DDX3Y: variants seen among roughly 807,000 people sequenced by gnomAD.
The protein encoded by DDX3Y is DEAD-box helicase 3 Y-linked.
In DDX3Y, 2 loss-of-function variants were observed where a neutral mutation model predicts 15.1. That is an observed-to-expected ratio of 0.13 (90% CI 0.05 to 0.42). The LOEUF (loss-of-function observed/expected upper bound fraction) is 0.42, where lower values mean the gene tolerates loss of function less well. DDX3Y is among the 10% of genes least tolerant of loss of function. The probability of loss-of-function intolerance (pLI) is 0.99; values close to 1 mark genes in which losing one functional copy is unlikely to be tolerated. For synonymous variants in DDX3Y, 47 were observed against 45.0 expected (o/e 1.04, Z -0.18); for missense variants, 81 against 149.9 (o/e 0.54, Z 2.40).
At chrY:12,915,572 A>T in intron 10 of DDX3Y, 58 bp from the exon 11 acceptor site, 1 of 329,662 alleles carries the variant, frequency 3.0e-6, no homozygotes, top group South Asian at 3.2e-5. Context: ...ACAACTATAT[A>T]TAGTAATTAG....
At chrY:12,914,454 C>T in intron 7 of DDX3Y, 110 bp from the exon 8 acceptor site, 1 of 173,630 alleles carries the variant, frequency 5.8e-6, no homozygotes. Flanking sequence ...CTGTAACTTC[C>T]TAGAAAATTG....
chrY:12,912,052 C>T, intron 4 of DDX3Y, 84 bp downstream of exon 4: 1 of 210,078 alleles, frequency 4.8e-6, no homozygotes, highest in Non-Finnish European at 8.6e-6. Flanking sequence ...TTTCAGTGGT[C>T]AAGCATATCT....
Position 12,911,826 on chromosome Y carries a change from T to C in DDX3Y, c.152-13T>C. On this transcript the variant is annotated splice_polypyrimidine_tract_variant and intron_variant, in intron 3 of 16. Transcript: ENST00000336079. ...AGTCTTGTCACCTTCTGATTTTTGC[T>C]TTTTTATTGAAGGATTCCATGATAA... The C allele has an allele frequency of 2.6e-6, 1 of 388,698 alleles. No individual in the cohort carries two copies. The highest frequency in any genetic ancestry group is 3.6e-6 in the Non-Finnish European group (1 of 278,872).
At chrY:12,911,503 A>G in intron 3 of DDX3Y, among the ~76,000 whole-genome samples, 1 of 33,630 alleles carries the variant, frequency 3.0e-5, no homozygotes, top group Admixed American at 2.7e-4. Context: ...ACTCATCTTA[A>G]ATAATTTAAT....
Position 12,920,358 on chromosome Y carries a change from T to C in DDX3Y, c.*2236T>C, listed in dbSNP as rs563865723. The C allele has an allele frequency of 8.7e-5, 3 of 34,293 alleles. No individual in the cohort carries two copies. Among genetic ancestry groups the C allele is most frequent in the Admixed American group, 7.9e-4 (3 of 3,791 alleles). 8.6% of individuals were successfully genotyped at this position (34,293 alleles called of 400,897 possible). A position where few individuals can be genotyped will look rare whatever the true frequency, so the allele number is the denominator to read the frequency against. On this transcript the variant is annotated 3_prime_UTR_variant, in exon 17 of 17. Coordinates refer to ENST00000336079, the MANE Select transcript of DDX3Y (RefSeq NM_004660.5). The stretch of plus-strand genomic sequence containing the variant: ...AAATAAAGAATGGAATTGCTGAATG[T>C]AATCATTGAACCTCGAGTCACTGTA...
rs2053657989 is a variant in DDX3Y, at chrY:12,918,604, G to A, written c.*482G>A. 3.0e-5 allele frequency: 1 copy of A among 33,768 alleles called. No homozygotes were observed. Among genetic ancestry groups the A allele is most frequent in the East Asian group, 7.7e-4 (1 of 1,305 alleles). 8.4% of individuals were successfully genotyped at this position (33,768 alleles called of 400,897 possible). On this transcript the variant is annotated 3_prime_UTR_variant, in exon 17 of 17. Coordinates refer to ENST00000336079, the MANE Select transcript of DDX3Y (RefSeq NM_004660.5). ...TCAATTCATCCATAAATATAAAAAG[G>A]GAAAAAAACTTAAGGCAGTAGTCTG...
At position 12,919,484 on chromosome Y, in the gene DDX3Y, A is replaced by C. The variant is rs2053660648; in HGVS notation, c.*1362A>C. ...CATAAGAAGTTGACAAAAATTTCTTAAAGTGCAATAGATTTTCAAGTGTAT... is the reference window on the plus strand; with the variant it reads ...CATAAGAAGTTGACAAAAATTTCTTCAAGTGCAATAGATTTTCAAGTGTAT... On this transcript the variant is annotated 3_prime_UTR_variant, in exon 17 of 17. Transcript: ENST00000336079. The C allele has an allele frequency of 2.9e-5, 1 of 34,039 alleles. No individual in the cohort carries two copies. Among genetic ancestry groups the C allele is most frequent in the Non-Finnish European group, 7.3e-5 (1 of 13,682 alleles). The allele number at this position is 34,039 out of a possible 400,897, so 8.5% of individuals were successfully genotyped here. A position where few individuals can be genotyped will look rare whatever the true frequency, so the allele number is the denominator to read the frequency against.
In DDX3Y at chrY:12,905,001, C is replaced by T; in HGVS notation, c.45+20C>T. ...CAGCAGGTGAGTCAAAGTAAGCCTA[C>T]CGAGGCTTTCTACGGGACCCTTTAC... is the stretch of plus-strand genomic sequence containing the variant. On this transcript the variant is annotated intron_variant, in intron 1 of 16. Transcript: ENST00000336079. 2.5e-6 allele frequency: 1 copy of T among 395,401 alleles called. No individual in the cohort carries two copies. The highest frequency in any genetic ancestry group is 3.6e-6 in the Non-Finnish European group (1 of 280,335).
chrY:12,908,398 A>C (rs910016591), intron 2 of DDX3Y, among the ~76,000 whole-genome samples: 42 of 34,070 alleles, frequency 1.2e-3, no homozygotes, highest in Admixed American at 1.3e-3. Flanking sequence ...AAGTTTTATA[A>C]ATTTATTTCA....
At chrY:12,911,818 A>AT in intron 3 of DDX3Y, 21 bp from the exon 4 acceptor site, 1 of 391,366 alleles carries the variant, frequency 2.6e-6, no homozygotes, top group Non-Finnish European at 3.6e-6. Context: ...TCACCTTCTG[A>AT]TTTTTGCTTT....
chrY:12,906,459 C>G, intron 1 of DDX3Y, among the ~76,000 whole-genome samples: 1 of 33,673 alleles, frequency 3.0e-5, no homozygotes, highest in Admixed American at 2.7e-4. Flanking sequence ...GGGCAATACG[C>G]ATTTATGTTT....
intron 13 of DDX3Y, 30 bp from the exon 14 acceptor site, chrY:12,916,487 T>G: frequency 2.6e-6 from 1 of 383,742 alleles, no homozygotes; most frequent in Non-Finnish European, 3.7e-6. Flanking sequence ...GGATAGTGCT[T>G]TTTTTTTTTA....
At chrY:12,905,769 C>A in intron 1 of DDX3Y, 1 of 316,214 alleles carries the variant, frequency 3.2e-6, no homozygotes, top group Non-Finnish European at 4.3e-6. Flanking sequence ...TCTCTTGACC[C>A]TGTAGAAATA....
chrY:12,915,256 T>A, intron 10 of DDX3Y, 29 bp downstream of exon 10: 1 of 386,264 alleles, frequency 2.6e-6, no homozygotes, highest in East Asian at 9.2e-5. Flanking sequence ...ATGGGGTGCA[T>A]CTATTTCTGT....
At chrY:12,917,128 T>C (rs753819519) in intron 15 of DDX3Y, 68 bp downstream of exon 15, 1 of 305,159 alleles carries the variant, frequency 3.3e-6, no homozygotes, top group South Asian at 3.6e-5. Context: ...CAGAGTTAAC[T>C]TAAAAGTGTT....
intron 2 of DDX3Y, among the ~76,000 whole-genome samples, chrY:12,908,834 C>T (rs2053619533): frequency 6.0e-5 from 2 of 33,065 alleles, no homozygotes; most frequent in Non-Finnish European, 1.5e-4. Flanking sequence ...AGGTGCCGGC[C>T]ACCATGCCCG....
chrY:12,905,048 C>T, intron 1 of DDX3Y, 67 bp downstream of exon 1: 1 of 329,347 alleles, frequency 3.0e-6, no homozygotes, highest in South Asian at 3.1e-5. Context: ...GTTTGTGGCG[C>T]ACTGTTAATT....
At chrY:12,905,893 T>C in intron 1 of DDX3Y, 1 of 162,187 alleles carries the variant, frequency 6.2e-6, no homozygotes, top group Non-Finnish European at 1.1e-5. Context: ...GCTGTGCGGT[T>C]TTTATATGGT....
chrY:12,916,496 T>A (rs1273490446), intron 13 of DDX3Y, 21 bp from the exon 14 acceptor site: 32 of 381,303 alleles, frequency 8.4e-5, no homozygotes, highest in African/African-American at 2.6e-4. Flanking sequence ...TTTTTTTTTT[T>A]AAAAGAAGTT....
Sources: allele counts gnomAD v4.1 joint callset (sites outside exome capture counted in the v4.1 genomes callset), GRCh38; gene constraint gnomAD v4.1.1; transcripts MANE v1.5; gene names NCBI Gene and HGNC (gene_info 2026-07-23, HGNC 2026-07-21).